Variants in UNKL observed in about 807,000 individuals in gnomAD.
UNKL encodes the protein unk like zinc finger.
A neutral mutation model predicts 78.0 loss-of-function variants in UNKL; 60 were observed. The ratio of observed to expected loss-of-function variants is 0.77; its 90% CI spans 0.63 to 0.95. The LOEUF is 0.95. Among genes scored for constraint, UNKL ranks in the 40% least tolerant of loss-of-function variants. UNKL has a pLI of 0.00. For missense variants in UNKL, 1,159 were observed against 1,045.7 expected (o/e 1.11, Z -1.49); for synonymous variants, 608 against 474.8 (o/e 1.28, Z -3.65).
chr16:1,375,862 G>A (rs1357859671), intron 10 of UNKL, among the ~76,000 whole-genome samples: 1 of 152,310 alleles, frequency 6.6e-6, no homozygotes, highest in South Asian at 2.1e-4. Flanking sequence ...CTGGCCTGCA[G>A]GGTGGGCCAG....
chr16:1,383,806 G>A, intron 10 of UNKL: 2 of 444,744 alleles, frequency 4.5e-6, no homozygotes, highest in Non-Finnish European at 9.2e-6. Flanking sequence ...GTGTGTCCAG[G>A]CAGGGACTGC....
chr16:1,374,901 G>C (rs2036098989), intron 10 of UNKL, among the ~76,000 whole-genome samples: 1 of 152,244 alleles, frequency 6.6e-6, no homozygotes, highest in Non-Finnish European at 1.5e-5. Context: ...CAGCAGGAAA[G>C]GCAGGAGGGT....
At chr16:1,405,450 G>A (rs1160644510) in intron 2 of UNKL, among the ~76,000 whole-genome samples, 9 of 151,762 alleles carry the variant, frequency 5.9e-5, no homozygotes, top group Non-Finnish European at 7.4e-5. Flanking sequence ...GATAGCAGGC[G>A]CTTATAATCC....
At chr16:1,402,387 G>A (rs2037565544) in intron 3 of UNKL, among the ~76,000 whole-genome samples, 1 of 152,256 alleles carries the variant, frequency 6.6e-6, no homozygotes, top group Non-Finnish European at 1.5e-5. Context: ...CAGAGGCCAG[G>A]TGCAGCGGCT....
At chr16:1,402,576 T>C (rs765707326) in intron 3 of UNKL, among the ~76,000 whole-genome samples, 25 of 152,096 alleles carry the variant, frequency 1.6e-4, no homozygotes, top group Non-Finnish European at 3.4e-4. Context: ...GGCACGAGAA[T>C]GGCGTGAACC....
intron 10 of UNKL, chr16:1,379,751 G>A: frequency 2.3e-6 from 2 of 879,048 alleles, no homozygotes; most frequent in Non-Finnish European, 2.6e-6. Context: ...CGCCCCCGTC[G>A]CACTGGCCAC....
At position 1,399,056 on chromosome 16, in the gene UNKL, G is replaced by A. The variant is rs1040364874; in HGVS notation, c.734+318C>T. ...GAGCGTGGCTGCAACCAGAGGCACG[G>A]GTGGGGCACACGGGGGTCCCAGCTG... On this transcript the variant is annotated intron_variant, in intron 5 of 14. Coordinates refer to ENST00000389221, the MANE Select transcript of UNKL (RefSeq NM_001372107.1). The surrounding 1 kb of genome is among the most constrained non-coding windows in gnomAD (Gnocchi z 5.8). 6 of 1,398,954 alleles carry A rather than the reference G, an allele frequency of 4.3e-6. No individual in the cohort carries two copies. The African/African-American group carries it at 4.3e-5, about 10-fold the overall frequency. The allele number at this position is 1,398,954 out of a possible 1,614,324, so 86.7% of individuals were successfully genotyped here.
At chr16:1,398,745 GAAGGCCGGGCTGGAGCAAGGAGGAGA>G in intron 5 of UNKL, 1 of 1,262,296 alleles carries the variant, frequency 7.9e-7, no homozygotes, top group Non-Finnish European at 1.0e-6. Context: ...GGCACAACCA[GAAGGCCGGGCTGGAGCAAGGAGGAGA>G]AAGGGGCTTC....
At chr16:1,395,147 A>T (rs951127316) in intron 6 of UNKL, among the ~76,000 whole-genome samples, 7 of 141,258 alleles carry the variant, frequency 5.0e-5, no homozygotes, top group Non-Finnish European at 9.1e-5. Context: ...GGCGTGAACC[A>T]CCGTGCCCGG....
At chr16:1,386,814 T>G (rs2036835441) in intron 9 of UNKL, among the ~76,000 whole-genome samples, 1 of 152,118 alleles carries the variant, frequency 6.6e-6, no homozygotes, top group Non-Finnish European at 1.5e-5. Context: ...GATACCAGAT[T>G]TGCCCCTCAG....
rs1174206209 is a variant in UNKL at position 1,366,225 on chromosome 16, C to G, written c.*15G>C. ...AGCCAGGGTGCCCAGCAGGAGGTGG[C>G]TGTCCCCGCTGAGGTCACCACTGCA... On this transcript the variant is annotated 3_prime_UTR_variant, in exon 15 of 15. Coordinates refer to ENST00000389221, the MANE Select transcript of UNKL (RefSeq NM_001372107.1). 3.3e-6 allele frequency: 5 copies of G among 1,509,744 alleles called. No individual in the cohort carries two copies. The highest frequency in any genetic ancestry group is 4.2e-5 in the Admixed American group (2 of 47,628). 93.5% of individuals were successfully genotyped at this position (1,509,744 alleles called of 1,614,324 possible). A position where few individuals can be genotyped will look rare whatever the true frequency, so the allele number is the denominator to read the frequency against.
At position 1,394,163 on chromosome 16, in the gene UNKL, C is replaced by T. The variant is rs2037162877; in HGVS notation, c.905G>A (p.Arg302His). ...GTGTGCAAAGGCACAGAAGGGGCCG[C>T]GCGGGCAGTACCCGGTTTGGCGCAT... ...NDMRQTGYCP[R>H]GPFCAFAHVE... is the part of the protein sequence containing the mutation. Residue 302 changes from arginine to histidine, a missense_variant, in exon 7 of 15, where the codon CGC (arginine) becomes CAC (histidine). Physicochemically the swap from Arg to His is conservative, Grantham distance 29 (BLOSUM62 0). Coordinates refer to ENST00000389221, the MANE Select transcript of UNKL (RefSeq NM_001372107.1). 3.2e-6 allele frequency: 5 copies of T among 1,550,592 alleles called. No individual in the cohort carries two copies. The highest frequency in any genetic ancestry group is 2.0e-5 in the Admixed American group (1 of 50,994).
intron 10 of UNKL, among the ~76,000 whole-genome samples, chr16:1,376,271 G>C (rs1404341384): frequency 1.5e-5 from 2 of 132,528 alleles, no homozygotes; most frequent in Admixed American, 1.5e-4. Flanking sequence ...CCTCTCTCCA[G>C]GGCTGGGGCA....
At chr16:1,378,313 A>G (rs1056620930) in intron 10 of UNKL, among the ~76,000 whole-genome samples, 1 of 152,164 alleles carries the variant, frequency 6.6e-6, no homozygotes, top group Non-Finnish European at 1.5e-5. Flanking sequence ...CGGTTTGCCC[A>G]TAGTCAGGTC....
chr16:1,384,436 A>G (rs2036730690), intron 10 of UNKL, among the ~76,000 whole-genome samples: 1 of 151,924 alleles, frequency 6.6e-6, no homozygotes, highest in South Asian at 2.1e-4. Context: ...CCCACAGCCC[A>G]GCACCATCAC....
intron 6 of UNKL, among the ~76,000 whole-genome samples, chr16:1,395,256 C>T (rs1188442251): frequency 1.3e-5 from 2 of 151,168 alleles, no homozygotes; most frequent in Non-Finnish European, 2.9e-5. Context: ...CAACCTCTGC[C>T]TCCTGGATTC....
chr16:1,406,750 A>G (rs898951022), intron 2 of UNKL, among the ~76,000 whole-genome samples: 1 of 152,080 alleles, frequency 6.6e-6, no homozygotes, highest in East Asian at 1.9e-4. Context: ...AATTCTACAC[A>G]CCCTGAAGTG....
At position 1,387,731 on chromosome 16, in the gene UNKL, G is replaced by A. The variant is rs1242625738; in HGVS notation, c.1087-2346C>T. 6.6e-6 allele frequency among the ~76,000 whole-genome samples: 1 copy of A among 152,126 alleles called. No homozygotes were observed. Among genetic ancestry groups the A allele is most frequent in the Non-Finnish European group, 1.5e-5 (1 of 67,982 alleles). ...GACGTGGACACTGCACAGCCGCACGGCTGCCCGGCCCTCCGGGGACGTGGA... is the reference window on the plus strand; with the variant it reads ...GACGTGGACACTGCACAGCCGCACGACTGCCCGGCCCTCCGGGGACGTGGA... On this transcript the variant is annotated intron_variant, in intron 9 of 14. Transcript: ENST00000389221. This position sits in a 1 kb window ranked among gnomAD's most constrained non-coding sequence, Gnocchi z 4.1.
rs2035034525 is a variant in UNKL at position 1,363,924 on chromosome 16, A to G, written c.*2316T>C. On this transcript the variant is annotated 3_prime_UTR_variant, in exon 15 of 15. Coordinates refer to ENST00000389221, the MANE Select transcript of UNKL (RefSeq NM_001372107.1). ...CCACCCCGGAAGCTGAGCCCTGGAG[A>G]CACCCTGAGGGGCGGGCGCCACCTC... The G allele has an allele frequency of 6.6e-6, 1 of 152,248 alleles. No homozygotes were observed. The highest frequency in any genetic ancestry group is 6.5e-5 in the Admixed American group (1 of 15,274). The allele number at this position is 152,248 out of a possible 1,614,324, so 9.4% of individuals were successfully genotyped here.
Sources: allele counts gnomAD v4.1 joint callset (sites outside exome capture counted in the v4.1 genomes callset), GRCh38; gene constraint gnomAD v4.1.1; non-coding constraint Gnocchi (gnomAD v3.1); transcripts MANE v1.5; gene names NCBI Gene and HGNC (gene_info 2026-07-23, HGNC 2026-07-21).